The following CCDC180 variants were observed in gnomAD, a reference collection of about 807,000 sequenced individuals.
CCDC180 encodes the protein coiled-coil domain containing 180.
In CCDC180, 154 loss-of-function variants were observed where a neutral mutation model predicts 209.2. The ratio of observed to expected loss-of-function variants is 0.74; its 90% CI spans 0.65 to 0.84. The LOEUF is 0.84. Ranked by LOEUF, CCDC180 falls within the 40% of genes least tolerant of loss-of-function variation. The probability of loss-of-function intolerance (pLI) is 0.00; values close to 1 mark genes in which losing one functional copy is unlikely to be tolerated. For missense variants in CCDC180, 1,874 were observed against 1,997.3 expected (o/e 0.94, Z 1.18); for synonymous variants, 778 against 749.1 (o/e 1.04, Z -0.63).
chr9:97,376,012 G>A (rs948078318), intron 36 of CCDC180: 8 of 185,292 alleles, frequency 4.3e-5, no homozygotes, highest in Non-Finnish European at 9.0e-5. Context: ...TTGACATGAG[G>A]CATCTCACTG....
chr9:97,370,631 T>C lies in CCDC180; in HGVS notation c.4351-10T>C. 8 of 1,612,646 alleles carry C rather than the reference T, an allele frequency of 5.0e-6. No individual in the cohort carries two copies. The highest frequency in any genetic ancestry group is 6.8e-6 in the Non-Finnish European group (8 of 1,179,504). ...ACATTGCCACTGAATTCTGGATTGT[T>C]TGATTAAAGGACAAAAATGCCCAGA... is the stretch of plus-strand genomic sequence containing the variant. On this transcript the variant is annotated splice_polypyrimidine_tract_variant and intron_variant, in intron 32 of 36. Transcript: ENST00000529487.
At chr9:97,352,049 GT>G (rs756526534) in intron 22 of CCDC180, among the ~76,000 whole-genome samples, 17 of 152,222 alleles carry the variant, frequency 1.1e-4, no homozygotes, top group Non-Finnish European at 1.6e-4. Flanking sequence ...GGAGGCGGAG[GT>G]TGCCGTGAGC....
intron 22 of CCDC180, among the ~76,000 whole-genome samples, chr9:97,353,249 G>A (rs776270311): frequency 3.3e-5 from 5 of 152,094 alleles, no homozygotes; most frequent in Non-Finnish European, 7.4e-5. Context: ...CACCCGCCTC[G>A]GCCTCCCAAA....
chr9:97,337,232 G>A (rs1171756991), intron 18 of CCDC180, among the ~76,000 whole-genome samples: 1 of 152,158 alleles, frequency 6.6e-6, no homozygotes, highest in African/African-American at 2.4e-5. Flanking sequence ...GGGCATCCCT[G>A]TCTTGTGCCA....
rs1413735927 is a variant in CCDC180 at position 97,330,329 on chromosome 9, T to C, written c.1836T>C (p.His612=). 6.2e-7 allele frequency: 1 copy of C among 1,612,970 alleles called. No homozygotes were observed. The highest frequency in any genetic ancestry group is 1.7e-5 in the Admixed American group (1 of 59,832). ...GGTGTTTATCATCAACAGAAGCACA[T>C]GAAAAACCCTCCCAGAAGAGAGTGA... ...VIFKFRQPEA[H]EKPSQKRVKK... The change falls in exon 18 of 37, where the codon CAT becomes CAC. Residue 612 remains histidine (H), a synonymous_variant. Transcript: ENST00000529487.
chr9:97,343,640 AGG>A, intron 19 of CCDC180, 77 bp downstream of exon 19: 7 of 1,069,294 alleles, frequency 6.5e-6, no homozygotes, highest in Non-Finnish European at 6.7e-6. Context: ...AAAAAAAAAA[AGG>A]ATTGGGCTGG....
rs868500878 is a variant in CCDC180 at position 97,350,451 on chromosome 9, C to T, written c.2898C>T (p.Ser966=). The T allele has an allele frequency of 1.3e-6, 2 of 1,536,102 alleles. No individual in the cohort carries two copies. The stretch of plus-strand genomic sequence containing the variant: ...ACACACTGCACCAGGAGTTGCTTAG[C>T]TATGTTGATGTCACCCAGGTGTCCC... ...LSNTLHQELL[S]YVDVTQVSLR... Residue 966 remains serine, a synonymous_variant, in exon 22 of 37, where the codon AGC becomes AGT. Transcript: ENST00000529487.
At chr9:97,365,838 G>T in intron 30 of CCDC180, 99 bp downstream of exon 30, 1 of 1,024,536 alleles carries the variant, frequency 9.8e-7, no homozygotes, top group Non-Finnish European at 1.5e-6. Context: ...GAGGAAGAGA[G>T]GATTCCACCC....
chr9:97,350,840 C>A (rs534245159), intron 22 of CCDC180, among the ~76,000 whole-genome samples: 1 of 152,176 alleles, frequency 6.6e-6, no homozygotes, highest in Admixed American at 6.5e-5. Context: ...TGGCAACCAC[C>A]ATCCTCCTTT....
At chr9:97,313,126 C>T in intron 4 of CCDC180, 110 bp from the exon 5 acceptor site, 2 of 701,374 alleles carry the variant, frequency 2.9e-6, no homozygotes, top group African/African-American at 1.8e-5. Flanking sequence ...TGACCTGGCT[C>T]TGGGGTCTAC....
At chr9:97,348,969 G>T in intron 20 of CCDC180, 142 bp from the exon 21 acceptor site, 1 of 738,796 alleles carries the variant, frequency 1.4e-6, no homozygotes, top group Non-Finnish European at 2.1e-6. Context: ...AGGCAACAGG[G>T]GCAGGACAAG....
chr9:97,330,316 C>A lies in CCDC180; in HGVS notation c.1829-6C>A, dbSNP rs1426978891. On this transcript the variant is annotated splice_region_variant and splice_polypyrimidine_tract_variant and intron_variant, in intron 17 of 36. Coordinates refer to ENST00000529487, the MANE Select transcript of CCDC180 (RefSeq NM_020893.6). Reference sequence around the variant, plus strand: ...CTCCTTGTGCTTTGGTGTTTATCATCAACAGAAGCACATGAAAAACCCTCC... The same window carrying A: ...CTCCTTGTGCTTTGGTGTTTATCATAAACAGAAGCACATGAAAAACCCTCC... 2 of 1,612,880 alleles carry A rather than the reference C, an allele frequency of 1.2e-6. No homozygotes were observed. The highest frequency in any genetic ancestry group is 2.2e-5 in the South Asian group (2 of 90,992).
intron 28 of CCDC180, chr9:97,363,696 A>G: frequency 4.0e-6 from 2 of 494,984 alleles, no homozygotes; most frequent in Non-Finnish European, 8.3e-6. Flanking sequence ...CTGTATTGTT[A>G]TGGCTAAATC....
intron 28 of CCDC180, chr9:97,363,814 C>G (rs993043813): frequency 3.5e-6 from 2 of 575,102 alleles, no homozygotes; most frequent in Admixed American, 5.9e-5. Context: ...TGCCCTCTCA[C>G]AGCAGCTGTG....
intron 15 of CCDC180, among the ~76,000 whole-genome samples, chr9:97,327,805 C>G (rs1242447458): frequency 1.3e-5 from 2 of 152,080 alleles, no homozygotes; most frequent in African/African-American, 4.8e-5. Flanking sequence ...ATGTTACAAG[C>G]AGAAAAGTCT....
At chr9:97,323,650 T>G in intron 12 of CCDC180, 131 bp from the exon 13 acceptor site, 1 of 1,119,580 alleles carries the variant, frequency 8.9e-7, no homozygotes, top group Non-Finnish European at 1.2e-6. Context: ...GGGAACAGAA[T>G]TCATGGGGTG....
At chr9:97,373,125 C>T (rs751506044) in intron 34 of CCDC180, 1 of 152,136 alleles carries the variant, frequency 6.6e-6, no homozygotes, top group Non-Finnish European at 1.5e-5. Flanking sequence ...GAGACAGGTA[C>T]CAAACTGCTG....
intron 19 of CCDC180, among the ~76,000 whole-genome samples, chr9:97,345,401 C>T (rs1317799326): frequency 6.6e-6 from 1 of 152,128 alleles, no homozygotes; most frequent in African/African-American, 2.4e-5. Context: ...TTTAGCTGTT[C>T]TGATATAGTT....
rs556284043 is a variant in CCDC180, at chr9:97,357,616, T to C, written c.3265-11T>C. 2.9e-5 allele frequency: 47 copies of C among 1,597,418 alleles called. No individual in the cohort carries two copies. In the African/African-American group the frequency reaches 5.9e-4, roughly 20 times the overall value. On this transcript the variant is annotated splice_polypyrimidine_tract_variant and intron_variant, in intron 24 of 36. Transcript: ENST00000529487. ...TCTAGAAACAAAATCTCGGAACCTC[T>C]GGTTTTCTAGGTGGCAAAATCCAAT...
Sources: allele counts gnomAD v4.1 joint callset (sites outside exome capture counted in the v4.1 genomes callset), GRCh38; gene constraint gnomAD v4.1.1; transcripts MANE v1.5; gene names NCBI Gene and HGNC (gene_info 2026-07-23, HGNC 2026-07-21).